Variants in ROR1 observed in about 807,000 individuals in gnomAD.
ROR1 encodes ROR family WNT receptor 1.
ROR1 carries 19 observed loss-of-function variants against 78.8 expected under a neutral mutation model. That is an observed-to-expected ratio of 0.24 (90% CI 0.17 to 0.35). The LOEUF (loss-of-function observed/expected upper bound fraction) is 0.35. ROR1 is among the 10% of genes least tolerant of loss of function. The pLI, the probability that ROR1 is intolerant of heterozygous loss-of-function variation, is 1.00. For synonymous variants in ROR1, 386 were observed against 433.6 expected, an observed-to-expected ratio of 0.89 and a Z score of 1.36; for missense variants, 917 against 1,177.8, an observed-to-expected ratio of 0.78 and a Z score of 3.24.
At chr1:64,160,751 G>A (rs1358110699) in intron 8 of ROR1, among the ~76,000 whole-genome samples, 2 of 152,262 alleles carry the variant, frequency 1.3e-5, no homozygotes, top group Admixed American at 6.5e-5. Flanking sequence ...AGCTTCTAGT[G>A]TAAGAGTCAT....
At chr1:64,121,754 A>G (rs1648551133) in intron 4 of ROR1, among the ~76,000 whole-genome samples, 1 of 152,198 alleles carries the variant, frequency 6.6e-6, no homozygotes. Flanking sequence ...TACACCACTG[A>G]GCCCTGGCAC....
chr1:63,774,674 C>G lies in ROR1; in HGVS notation c.91+166C>G, dbSNP rs1644602616. Among the ~76,000 whole-genome samples, 1 of 150,618 alleles carries G rather than the reference C, an allele frequency of 6.6e-6. No individual in the cohort carries two copies. The highest frequency in any genetic ancestry group is 1.5e-5 in the Non-Finnish European group (1 of 67,554). ...GGCGCCGCCAGGCCAGGGTTTGCCC[C>G]GGAGCCCCGCCAGGCCAGGGTTTGC... is the stretch of plus-strand genomic sequence containing the variant. On this transcript the variant is annotated intron_variant, in intron 1 of 8. Coordinates refer to ENST00000371079, the MANE Select transcript of ROR1 (RefSeq NM_005012.4). This position sits in a 1 kb window ranked among gnomAD's most constrained non-coding sequence, Gnocchi z 5.7.
At chr1:63,789,264 A>G in intron 1 of ROR1, 1 of 566,912 alleles carries the variant, frequency 1.8e-6, no homozygotes, top group Admixed American at 2.1e-5. Flanking sequence ...ACAGGGGAGG[A>G]CCCTAGAGGC....
intron 1 of ROR1, among the ~76,000 whole-genome samples, chr1:63,845,421 A>G (rs758327707): frequency 4.6e-4 from 70 of 150,608 alleles, no homozygotes; most frequent in Non-Finnish European, 7.9e-4. Flanking sequence ...TAGTAGTGGT[A>G]ACTACTATAC....
intron 1 of ROR1, among the ~76,000 whole-genome samples, chr1:63,800,082 A>T (rs967940519): frequency 6.6e-6 from 1 of 152,200 alleles, no homozygotes; most frequent in Non-Finnish European, 1.5e-5. Context: ...ATGGGCAGGC[A>T]GCCAGGCTCA....
At chr1:64,035,231 AT>A (rs1382246171) in intron 2 of ROR1, among the ~76,000 whole-genome samples, 1 of 152,212 alleles carries the variant, frequency 6.6e-6, no homozygotes. Flanking sequence ...ACCTAGATGA[AT>A]TTGAAAATTA....
chr1:64,142,702 A>T (rs375821147), intron 7 of ROR1, 52 bp downstream of exon 7: 2 of 1,601,866 alleles, frequency 1.2e-6, no homozygotes, highest in African/African-American at 1.3e-5. Flanking sequence ...AAAGATCCCT[A>T]TCCTACCCCT....
intron 1 of ROR1, among the ~76,000 whole-genome samples, chr1:63,959,503 C>T (rs1646010978): frequency 6.6e-6 from 1 of 152,226 alleles, no homozygotes; most frequent in Non-Finnish European, 1.5e-5. Flanking sequence ...TTTCCTCACC[C>T]TCCCCCATCG....
chr1:63,881,980 C>CA (rs1309481368), intron 1 of ROR1, among the ~76,000 whole-genome samples: 8 of 152,190 alleles, frequency 5.3e-5, no homozygotes, highest in African/African-American at 1.9e-4. Flanking sequence ...GAGAGACCGG[C>CA]AGGCAGTTGC....
chr1:64,121,989 C>T (rs1228743426), intron 4 of ROR1, among the ~76,000 whole-genome samples: 1 of 152,224 alleles, frequency 6.6e-6, no homozygotes, highest in Non-Finnish European at 1.5e-5. Flanking sequence ...ACAACCTGGC[C>T]ACCAACCAGG....
intron 7 of ROR1, among the ~76,000 whole-genome samples, chr1:64,145,769 A>G (rs1163524193): frequency 1.3e-5 from 2 of 152,214 alleles, no homozygotes; most frequent in Non-Finnish European, 2.9e-5. Context: ...GTCCAGGATA[A>G]AAGCAGTACT....
At chr1:63,898,318 A>AG (rs1270811387) in intron 1 of ROR1, among the ~76,000 whole-genome samples, 3 of 151,558 alleles carry the variant, frequency 2.0e-5, no homozygotes, top group African/African-American at 7.3e-5. Context: ...ATTGAAAGTA[A>AG]AAAAATCGTT....
At chr1:63,930,004 T>G (rs1196493465) in intron 1 of ROR1, among the ~76,000 whole-genome samples, 3 of 152,132 alleles carry the variant, frequency 2.0e-5, no homozygotes, top group Non-Finnish European at 2.9e-5. Flanking sequence ...CTGGGATACA[T>G]GTGCAGAACG....
chr1:63,913,064 C>T (rs1645583945), intron 1 of ROR1, among the ~76,000 whole-genome samples: 1 of 151,796 alleles, frequency 6.6e-6, no homozygotes, highest in African/African-American at 2.4e-5. Context: ...AAAGGCTCCA[C>T]CTTCAGGAAT....
At chr1:63,929,970 T>A (rs79854205) in intron 1 of ROR1, among the ~76,000 whole-genome samples, 2,891 of 152,170 alleles carry the variant, frequency 0.019, 76 homozygotes, top group East Asian at 0.059. Flanking sequence ...AGGACTTTTT[T>A]TTATTATTAT....
intron 1 of ROR1, among the ~76,000 whole-genome samples, chr1:63,915,372 A>G (rs193007163): frequency 4.6e-5 from 7 of 152,324 alleles, no homozygotes; most frequent in Non-Finnish European, 7.4e-5. Context: ...AAGGGTGCAC[A>G]TAAAAAGTGT....
At chr1:64,041,270 G>A (rs1646743908) in intron 2 of ROR1, among the ~76,000 whole-genome samples, 1 of 152,090 alleles carries the variant, frequency 6.6e-6, no homozygotes, top group Admixed American at 6.6e-5. Flanking sequence ...CCTAATATAT[G>A]TTTTTCCCTT....
chr1:64,010,191 T>G (rs970851013), intron 2 of ROR1, among the ~76,000 whole-genome samples: 1 of 152,182 alleles, frequency 6.6e-6, no homozygotes, highest in African/African-American at 2.4e-5. Context: ...AAAATTTACA[T>G]TATCCAGTCT....
rs767680014 is a variant in ROR1 at position 64,009,385 on chromosome 1, T to C, written c.163+9T>C. 10 of 1,607,586 alleles carry C rather than the reference T, an allele frequency of 6.2e-6. No homozygotes were observed. In the East Asian group the frequency reaches 1.1e-4, roughly 18 times the overall value. On this transcript the variant is annotated intron_variant, in intron 2 of 8. Coordinates refer to ENST00000371079, the MANE Select transcript of ROR1 (RefSeq NM_005012.4). ...AAGTGAACTCAACAAAGGTACACAG[T>C]GGGGGCACACAGGGGAGGCGAGGAA...
Sources: gnomAD v4.1 joint callset for allele counts (sites outside exome capture counted in the v4.1 genomes callset) on GRCh38, gnomAD v4.1.1 for gene constraint, Gnocchi (gnomAD v3.1) non-coding constraint, MANE v1.5 for transcripts, NCBI Gene and HGNC (gene_info 2026-07-23, HGNC 2026-07-21) for gene names.